Variants in POLN observed in about 807,000 individuals in gnomAD.
POLN encodes DNA polymerase nu.
A neutral mutation model predicts 113.5 loss-of-function variants in POLN; 108 were observed. That is an observed-to-expected ratio of 0.95 (90% CI 0.81 to 1.12). The LOEUF is 1.12. Among genes scored for constraint, POLN ranks in the 50% most tolerant of loss-of-function variants. The probability of loss-of-function intolerance (pLI) is 0.00; values close to 1 mark genes in which losing one functional copy is unlikely to be tolerated. For synonymous variants in POLN, 386 were observed against 391.5 expected (o/e 0.99, Z 0.17); for missense variants, 1,097 against 1,077.1 (o/e 1.02, Z -0.26).
chr4:2,122,236 A>G (rs182830724), intron 19 of POLN, among the ~76,000 whole-genome samples: 21 of 152,348 alleles, frequency 1.4e-4, no homozygotes, highest in South Asian at 2.1e-4. Context: ...TGCCTGAACT[A>G]AAACCATCTT....
intron 23 of POLN, chr4:2,079,515 T>C: frequency 1.0e-6 from 1 of 985,764 alleles, no homozygotes; most frequent in Non-Finnish European, 1.2e-6. Context: ...TGTGTGTGCG[T>C]GTGTGTGCAC....
At chr4:2,201,127 C>T (rs1206098108) in intron 5 of POLN, among the ~76,000 whole-genome samples, 1 of 151,184 alleles carries the variant, frequency 6.6e-6, no homozygotes, top group African/African-American at 2.4e-5. Flanking sequence ...ATTAGCCGGG[C>T]GTGGTGGCAC....
chr4:2,168,318 C>T (rs965386677), intron 13 of POLN, among the ~76,000 whole-genome samples: 5 of 152,118 alleles, frequency 3.3e-5, no homozygotes, highest in African/African-American at 9.7e-5. Context: ...GGAGCCACAA[C>T]GCTCACCAAG....
At chr4:2,199,427 GA>G (rs1218295816) in intron 5 of POLN, among the ~76,000 whole-genome samples, 1 of 152,014 alleles carries the variant, frequency 6.6e-6, no homozygotes, top group Non-Finnish European at 1.5e-5. Flanking sequence ...ACTACACCAA[GA>G]AAAATACATC....
intron 22 of POLN, 200 bp from the exon 23 acceptor site, chr4:2,081,236 C>A: frequency 6.6e-7 from 1 of 1,515,184 alleles, no homozygotes; most frequent in Non-Finnish European, 8.9e-7. Context: ...CTGCAGGGCA[C>A]CTGGGTTTTG....
At chr4:2,211,344 C>T (rs140861769) in intron 4 of POLN, among the ~76,000 whole-genome samples, 56 of 150,736 alleles carry the variant, frequency 3.7e-4, no homozygotes, top group African/African-American at 1.1e-3. Context: ...ATTTAATTTT[C>T]GTGAATATAT....
chr4:2,128,136 T>C lies in POLN; in HGVS notation c.1959A>G (p.Val653=), dbSNP rs1731629529. ...ACCACTGTGAAGTCAGAGTAGAAAA[T>C]ACATCATCTCTTTCAGATTCCTGGA... The part of the protein sequence containing the change: ...KLFQESERDD[V]FSTLTSQWKD... The change falls in exon 19 of 26, where the codon GTA becomes GTG. Residue 653 remains valine, a synonymous_variant. Transcript: ENST00000511885. 3.1e-6 allele frequency: 5 copies of C among 1,605,294 alleles called. No homozygotes were observed. Among genetic ancestry groups the C allele is most frequent in the East Asian group, 4.5e-5 (2 of 44,848 alleles).
chr4:2,235,117 C>G (rs1734715176), intron 2 of POLN, among the ~76,000 whole-genome samples: 1 of 152,208 alleles, frequency 6.6e-6, no homozygotes, highest in Non-Finnish European at 1.5e-5. Flanking sequence ...AACTCCTGAC[C>G]TTGTGATCCA....
chr4:2,118,693 T>A (rs1008641097), intron 19 of POLN, among the ~76,000 whole-genome samples: 1 of 152,216 alleles, frequency 6.6e-6, no homozygotes, highest in African/African-American at 2.4e-5. Flanking sequence ...CAGGATTTTT[T>A]AATAGCATCT....
Position 2,208,489 on chromosome 4 carries a change from TA to T in POLN, c.214-3del. On this transcript the variant is annotated splice_region_variant and splice_polypyrimidine_tract_variant and intron_variant, in intron 4 of 25. Transcript: ENST00000511885. ...CTGACTTCTTAAAGATTTAAGATCC[TA>T]CAGAAAAATGGAAAATATTTCATTA... is the stretch of plus-strand genomic sequence containing the variant. The T allele has an allele frequency of 6.6e-7, 1 of 1,514,946 alleles. No homozygotes were observed. Among genetic ancestry groups the T allele is most frequent in the Non-Finnish European group, 8.8e-7 (1 of 1,134,092 alleles). 93.8% of individuals were successfully genotyped at this position (1,514,946 alleles called of 1,614,324 possible).
At position 2,186,165 on chromosome 4, in the gene POLN, T is replaced by TA. The variant is rs545433604; in HGVS notation, c.1022-6701dup. On this transcript the variant is annotated intron_variant, in intron 7 of 25. Coordinates refer to ENST00000511885, the MANE Select transcript of POLN (RefSeq NM_181808.4). ...GAAAAACTTCTCCCAATTCAGTTAC[T>TA]AAACTGAAAAAAGTGAGACTGAGGT... Among the ~76,000 whole-genome samples, 318 of 152,276 alleles carry TA rather than the reference T, an allele frequency of 2.1e-3. 2 individuals are homozygous for TA. The highest frequency in any genetic ancestry group is 7.4e-3 in the African/African-American group (308 of 41,546).
intron 8 of POLN, among the ~76,000 whole-genome samples, chr4:2,176,740 G>T (rs891428854): frequency 1.1e-4 from 17 of 152,156 alleles, no homozygotes; most frequent in Non-Finnish European, 1.9e-4. Context: ...ACGCACAGCT[G>T]CTGCCACGTT....
chr4:2,220,588 C>T (rs1336803651), intron 3 of POLN, among the ~76,000 whole-genome samples: 4 of 152,270 alleles, frequency 2.6e-5, no homozygotes, highest in East Asian at 1.9e-4. Context: ...TCCCTTCCTT[C>T]GGCACCCCAC....
chr4:2,184,067 T>C (rs908799597), intron 7 of POLN, among the ~76,000 whole-genome samples: 2 of 151,778 alleles, frequency 1.3e-5, no homozygotes, highest in East Asian at 3.9e-4. Context: ...TTGGCCAGGC[T>C]GGTCTTGAAC....
chr4:2,075,048 A>C (rs1730243054), intron 24 of POLN, among the ~76,000 whole-genome samples: 1 of 152,168 alleles, frequency 6.6e-6, no homozygotes, highest in African/African-American at 2.4e-5. Context: ...AACACCCCCA[A>C]CAAGAACACC....
intron 3 of POLN, among the ~76,000 whole-genome samples, chr4:2,226,130 T>C (rs1355003241): frequency 3.3e-5 from 5 of 152,210 alleles, no homozygotes. Context: ...GACACTGTTA[T>C]CATTTGCAGG....
At chr4:2,107,351 C>T (rs953868299) in intron 19 of POLN, among the ~76,000 whole-genome samples, 2 of 152,168 alleles carry the variant, frequency 1.3e-5, no homozygotes, top group African/African-American at 4.8e-5. Flanking sequence ...CTAGAGTAAC[C>T]ATACATACTA....
chr4:2,140,751 G>A (rs1731979923), intron 16 of POLN: 1 of 148,066 alleles, frequency 6.8e-6, no homozygotes, highest in Non-Finnish European at 1.5e-5. Flanking sequence ...CTGTCTCGGG[G>A]AAAAAAAAAA....
intron 5 of POLN, among the ~76,000 whole-genome samples, chr4:2,206,690 A>G (rs1733853564): frequency 6.6e-6 from 1 of 152,236 alleles, no homozygotes; most frequent in Admixed American, 6.5e-5. Flanking sequence ...AATCAAAACC[A>G]CAATGTAATA....
Sources: gnomAD v4.1 joint callset for allele counts (sites outside exome capture counted in the v4.1 genomes callset) on GRCh38, gnomAD v4.1.1 for gene constraint, MANE v1.5 for transcripts, NCBI Gene and HGNC (gene_info 2026-07-23, HGNC 2026-07-21) for gene names.